PCNX2: variants seen among roughly 807,000 people sequenced by gnomAD.
PCNX2 encodes pecanex 2.
In PCNX2, 168 loss-of-function variants were observed where a neutral mutation model predicts 223.8. The ratio of observed to expected loss-of-function variants is 0.75; its 90% CI spans 0.66 to 0.85. The LOEUF (loss-of-function observed/expected upper bound fraction) is 0.85, where lower values mean the gene tolerates loss of function less well. Ranked by LOEUF, PCNX2 falls within the 40% of genes least tolerant of loss-of-function variation. PCNX2 has a pLI of 0.00. For synonymous variants in PCNX2, 1,006 were observed against 1,052.6 expected, an observed-to-expected ratio of 0.96 and a Z score of 0.86; for missense variants, 2,507 against 2,675.5, an observed-to-expected ratio of 0.94 and a Z score of 1.39.
At chr1:233,214,312 T>C (rs761720674) in intron 12 of PCNX2, among the ~76,000 whole-genome samples, 1 of 152,130 alleles carries the variant, frequency 6.6e-6, no homozygotes, top group Non-Finnish European at 1.5e-5. Flanking sequence ...CTTTTGCAGA[T>C]GAAAAACCTA....
chr1:233,039,032 T>G (rs956098220), intron 25 of PCNX2, among the ~76,000 whole-genome samples: 8 of 152,194 alleles, frequency 5.3e-5, no homozygotes, highest in Non-Finnish European at 1.0e-4. Context: ...AATTAAGTCT[T>G]GCAGAATGAA....
At chr1:232,992,817 T>C (rs941234423) in intron 32 of PCNX2, among the ~76,000 whole-genome samples, 1 of 152,208 alleles carries the variant, frequency 6.6e-6, no homozygotes, top group Non-Finnish European at 1.5e-5. Context: ...GGGTGAGTTC[T>C]CACAAGAGCT....
intron 17 of PCNX2, among the ~76,000 whole-genome samples, chr1:233,166,457 C>A (rs1678802921): frequency 4.1e-5 from 3 of 73,368 alleles, no homozygotes; most frequent in African/African-American, 3.0e-4. Flanking sequence ...AAAGGCAAGC[C>A]AAAGACTAGG....
At chr1:233,029,083 C>T (rs1671180663) in intron 25 of PCNX2, among the ~76,000 whole-genome samples, 1 of 152,110 alleles carries the variant, frequency 6.6e-6, no homozygotes, top group East Asian at 1.9e-4. Context: ...TGTGATCCAC[C>T]CACCTTGGCC....
chr1:233,009,436 A>T (rs1411926257), intron 28 of PCNX2, among the ~76,000 whole-genome samples: 2 of 152,244 alleles, frequency 1.3e-5, no homozygotes, highest in Non-Finnish European at 2.9e-5. Flanking sequence ...CTTCAAATAA[A>T]TCATAAGTGT....
chr1:233,067,248 T>C (rs1438319270), intron 23 of PCNX2, among the ~76,000 whole-genome samples: 18 of 150,252 alleles, frequency 1.2e-4, no homozygotes, highest in Admixed American at 9.9e-4. Flanking sequence ...TAAAAGACAA[T>C]AGATGCCAAA....
intron 19 of PCNX2, among the ~76,000 whole-genome samples, chr1:233,156,525 A>G (rs1678135993): frequency 6.6e-6 from 1 of 152,102 alleles, no homozygotes; most frequent in East Asian, 1.9e-4. Context: ...CTTAGGCACC[A>G]GTGGTTTCAA....
chr1:233,248,720 T>A (rs888905215), intron 8 of PCNX2, among the ~76,000 whole-genome samples: 2 of 152,104 alleles, frequency 1.3e-5, no homozygotes, highest in African/African-American at 4.8e-5. Context: ...GGGGTCTGAC[T>A]ATTCTGTGGA....
At chr1:233,018,389 C>T (rs906097747) in intron 26 of PCNX2, among the ~76,000 whole-genome samples, 2 of 152,148 alleles carry the variant, frequency 1.3e-5, no homozygotes, top group African/African-American at 4.8e-5. Context: ...CACACTTAAT[C>T]CTGAGTGCCC....
In PCNX2 at chr1:233,139,969, A is replaced by C; in HGVS notation, c.3518-114T>G. On this transcript the variant is annotated intron_variant, in intron 19 of 33. Coordinates refer to ENST00000258229, the MANE Select transcript of PCNX2 (RefSeq NM_014801.4). The surrounding 1 kb of genome is among the most constrained non-coding windows in gnomAD (Gnocchi z 4.4). ...TTTAATTCAAAAGCTGCTAATTAAG[A>C]ACTCGTGATACTAGACATGATATAC... 7.7e-7 allele frequency: 1 copy of C among 1,295,238 alleles called. No individual in the cohort carries two copies. The highest frequency in any genetic ancestry group is 1.6e-5 in the South Asian group (1 of 63,786). The allele number at this position is 1,295,238 out of a possible 1,614,324, so 80.2% of individuals were successfully genotyped here. A position where few individuals can be genotyped will look rare whatever the true frequency, so the allele number is the denominator to read the frequency against.
chr1:233,258,763 G>A lies in PCNX2; in HGVS notation c.1099C>T (p.Pro367Ser), dbSNP rs759176916. 1 of 1,613,752 alleles carries A rather than the reference G, an allele frequency of 6.2e-7. No individual in the cohort carries two copies. The highest frequency in any genetic ancestry group is 8.5e-7 in the Non-Finnish European group (1 of 1,179,900). ...TLIDTSQPGD[P>S]LSLHEPIKIV... ...TTTATGGGCTCATGTAGACTCAGTG[G>A]GTCTCCGGGTTGAGAAGTATCGATG... is the stretch of plus-strand genomic sequence containing the variant. Residue 367 changes from proline to serine, a missense_variant, in exon 5 of 34, where the codon CCA becomes TCA. Transcript: ENST00000258229.
intron 21 of PCNX2, among the ~76,000 whole-genome samples, chr1:233,130,258 A>C (rs1363766790): frequency 6.6e-6 from 1 of 152,092 alleles, no homozygotes; most frequent in Non-Finnish European, 1.5e-5. Context: ...CATTCTTGAA[A>C]TCAGTGAGAC....
chr1:233,326,384 A>AT, the PCNX2 span, among the ~76,000 whole-genome samples: 1 of 152,096 alleles, frequency 6.6e-6, no homozygotes, highest in Non-Finnish European at 1.5e-5. Flanking sequence ...TTGTATTGTT[A>AT]TTTTTTGGGT....
intron 21 of PCNX2, 103 bp from the exon 22 acceptor site, chr1:233,095,966 T>A: frequency 1.3e-6 from 1 of 747,040 alleles, no homozygotes; most frequent in Non-Finnish European, 2.2e-6. Context: ...GAAGGGGCAG[T>A]GAAACTACTC....
chr1:233,292,846 A>G (rs1462480924), intron 1 of PCNX2, among the ~76,000 whole-genome samples: 1 of 152,228 alleles, frequency 6.6e-6, no homozygotes, highest in Non-Finnish European at 1.5e-5. Flanking sequence ...AAAGTAGCAT[A>G]ACAGTAACTG....
chr1:233,031,317 T>G (rs772171581), intron 25 of PCNX2, among the ~76,000 whole-genome samples: 8 of 152,194 alleles, frequency 5.3e-5, no homozygotes, highest in Non-Finnish European at 1.2e-4. Context: ...CCACCCCTAT[T>G]CATTATTCAC....
chr1:233,177,843 A>C lies in PCNX2; in HGVS notation c.3232T>G (p.Ser1078Ala). The change falls in exon 17 of 34, where the codon TCA becomes GCA. Residue 1078 changes from serine (S) to alanine (A), a missense_variant. Transcript: ENST00000258229. ...TTCTTGGGGAGAGGGTCAGCAGCTG[A>C]CTCTGCCAGATTTTGATGTAAAAAT... Reference protein sequence around the residue: ...PKFLHQNLAESAADPLPKKMK... With the variant: ...PKFLHQNLAEAAADPLPKKMK... The C allele has an allele frequency of 6.2e-7, 1 of 1,613,888 alleles. No homozygotes were observed. Among genetic ancestry groups the C allele is most frequent in the Non-Finnish European group, 8.5e-7 (1 of 1,179,850 alleles).
At chr1:233,046,112 C>T (rs960550788) in intron 25 of PCNX2, among the ~76,000 whole-genome samples, 4 of 152,232 alleles carry the variant, frequency 2.6e-5, no homozygotes, top group Admixed American at 2.6e-4. Flanking sequence ...GAGCTTGCCT[C>T]CTCTCTGGAG....
At chr1:233,214,061 T>C in intron 12 of PCNX2, among the ~76,000 whole-genome samples, 1 of 151,622 alleles carries the variant, frequency 6.6e-6, no homozygotes, top group Admixed American at 6.6e-5. Context: ...ACTCCTGACC[T>C]TGTGATCCAC....
Sources: gnomAD v4.1 joint callset for allele counts (sites outside exome capture counted in the v4.1 genomes callset) on GRCh38, gnomAD v4.1.1 for gene constraint, Gnocchi (gnomAD v3.1) non-coding constraint, MANE v1.5 for transcripts, NCBI Gene and HGNC (gene_info 2026-07-23, HGNC 2026-07-21) for gene names.